Variants in LINGO2 observed in about 807,000 individuals in gnomAD.
LINGO2 encodes the protein leucine rich repeat and Ig domain containing 2, also known as leucine-rich repeat and immunoglobulin-like domain-containing nogo receptor-interacting protein 2.
Under a neutral mutation model 30.6 loss-of-function variants are expected in LINGO2, and 14 were observed. The observed-to-expected ratio is 0.46, with a 90% CI of 0.30 to 0.72. LINGO2 has a LOEUF of 0.72. Among genes scored for constraint, LINGO2 ranks in the 30% least tolerant of loss-of-function variants. The pLI is 0.07. For missense variants in LINGO2, 729 were observed against 751.7 expected (o/e 0.97, Z 0.35); for synonymous variants, 317 against 288.5 (o/e 1.10, Z -1.00).
chr9:28,897,527 G>C, the LINGO2 span, among the ~76,000 whole-genome samples: 1 of 152,094 alleles, frequency 6.6e-6, no homozygotes, highest in African/African-American at 2.4e-5. Flanking sequence ...TCAGCTGTAT[G>C]TTTTGTTGTT....
chr9:28,614,574 C>T (rs1267143333), intron 1 of LINGO2, among the ~76,000 whole-genome samples: 1 of 151,980 alleles, frequency 6.6e-6, no homozygotes, highest in Non-Finnish European at 1.5e-5. Context: ...GAGATAACTT[C>T]TAAAACTAAC....
chr9:29,041,360 T>C, the LINGO2 span, among the ~76,000 whole-genome samples: 1 of 152,034 alleles, frequency 6.6e-6, no homozygotes, highest in African/African-American at 2.4e-5. Context: ...AGGCACAAGC[T>C]AGCCAGAATA....
intron 4 of LINGO2, among the ~76,000 whole-genome samples, chr9:28,055,726 T>G (rs547257640): frequency 6.6e-6 from 1 of 152,176 alleles, no homozygotes; most frequent in Admixed American, 6.6e-5. Context: ...CTTTAAAAGA[T>G]ATGTACTCAA....
At chr9:28,573,872 C>G (rs539683701) in intron 1 of LINGO2, among the ~76,000 whole-genome samples, 21 of 151,940 alleles carry the variant, frequency 1.4e-4, no homozygotes, top group Admixed American at 1.2e-3. Context: ...ATTGCATAAA[C>G]AACAACTTTT....
the LINGO2 span, among the ~76,000 whole-genome samples, chr9:29,052,068 A>G: frequency 1.3e-5 from 2 of 152,170 alleles, no homozygotes; most frequent in South Asian, 4.1e-4. Flanking sequence ...GCAATTTCCT[A>G]TGGTTCAACT....
At chr9:28,431,891 C>T (rs1767199438) in intron 2 of LINGO2, among the ~76,000 whole-genome samples, 1 of 145,380 alleles carries the variant, frequency 6.9e-6, no homozygotes, top group South Asian at 2.2e-4. Context: ...CTTAATAGGA[C>T]ATTTTTTTTC....
At chr9:28,521,590 T>A (rs1398164059) in intron 1 of LINGO2, among the ~76,000 whole-genome samples, 1 of 152,184 alleles carries the variant, frequency 6.6e-6, no homozygotes, top group South Asian at 2.1e-4. Context: ...AAAATCCCCA[T>A]AATTTACAAA....
At chr9:28,983,402 A>C in the LINGO2 span, among the ~76,000 whole-genome samples, 2 of 151,878 alleles carry the variant, frequency 1.3e-5, no homozygotes, top group Non-Finnish European at 2.9e-5. Context: ...GTCAATGGTA[A>C]ATAAGTTATA....
chr9:28,579,870 G>C (rs1420740829), intron 1 of LINGO2, among the ~76,000 whole-genome samples: 1 of 152,096 alleles, frequency 6.6e-6, no homozygotes, highest in African/African-American at 2.4e-5. Context: ...TCATACTCCT[G>C]TCAAGAATCA....
At chr9:29,130,431 C>A in the LINGO2 span, among the ~76,000 whole-genome samples, 2 of 152,078 alleles carry the variant, frequency 1.3e-5, no homozygotes, top group Admixed American at 6.6e-5. Flanking sequence ...AGGCCTCAAT[C>A]CTCTGCAAAA....
intron 2 of LINGO2, among the ~76,000 whole-genome samples, chr9:28,376,240 A>C (rs368528872): frequency 6.6e-6 from 1 of 151,726 alleles, no homozygotes; most frequent in African/African-American, 2.4e-5. Flanking sequence ...GGAGAATTTT[A>C]GAATGGGTAG....
intron 1 of LINGO2, among the ~76,000 whole-genome samples, chr9:28,502,131 G>GACACACACACACACAC (rs57545947): frequency 1.4e-5 from 2 of 147,136 alleles, no homozygotes; most frequent in East Asian, 2.1e-4. Flanking sequence ...GAGAAACACA[G>GACACACACACACACAC]ACACACACAC....
At chr9:28,480,317 C>A (rs537433962) in intron 1 of LINGO2, among the ~76,000 whole-genome samples, 6 of 151,936 alleles carry the variant, frequency 3.9e-5, no homozygotes, top group East Asian at 1.9e-4. Flanking sequence ...TCAATAATTT[C>A]TTTGAAAGGA....
intron 3 of LINGO2, among the ~76,000 whole-genome samples, chr9:28,313,043 AAC>A (rs1824693800): frequency 6.6e-6 from 1 of 152,228 alleles, no homozygotes; most frequent in African/African-American, 2.4e-5. Context: ...GCAAAATACC[AAC>A]AGAGAATAAT....
At chr9:28,644,137 C>A (rs947575472) in intron 1 of LINGO2, among the ~76,000 whole-genome samples, 4 of 151,682 alleles carry the variant, frequency 2.6e-5, no homozygotes, top group Admixed American at 2.6e-4. Flanking sequence ...CCTCAAAAAA[C>A]CAAAAAATCT....
chr9:28,108,065 C>A (rs1257310334), intron 4 of LINGO2, among the ~76,000 whole-genome samples: 1 of 152,212 alleles, frequency 6.6e-6, no homozygotes, highest in East Asian at 1.9e-4. Context: ...AAGCAAAAAG[C>A]TAGCAGCACT....
chr9:28,682,077 G>C, the LINGO2 span, among the ~76,000 whole-genome samples: 1 of 152,132 alleles, frequency 6.6e-6, no homozygotes, highest in African/African-American at 2.4e-5. Flanking sequence ...CACCCTTAGA[G>C]TTGCCAATGC....
intron 1 of LINGO2, among the ~76,000 whole-genome samples, chr9:28,652,084 C>T (rs1368768500): frequency 6.6e-6 from 1 of 152,114 alleles, no homozygotes; most frequent in Non-Finnish European, 1.5e-5. Flanking sequence ...TCTTCTCTTG[C>T]ATGATAATAA....
At chr9:28,564,374 C>T (rs1020628278) in intron 1 of LINGO2, among the ~76,000 whole-genome samples, 2 of 151,882 alleles carry the variant, frequency 1.3e-5, no homozygotes, top group Non-Finnish European at 2.9e-5. Context: ...CTAAATAAAC[C>T]AATTGTGCTT....
Sources: gnomAD v4.1 joint callset for allele counts (sites outside exome capture counted in the v4.1 genomes callset) on GRCh38, gnomAD v4.1.1 for gene constraint, MANE v1.5 for transcripts, NCBI Gene and HGNC (gene_info 2026-07-23, HGNC 2026-07-21) for gene names.